Variants in APPBP2 observed in about 807,000 individuals in gnomAD.
APPBP2 encodes the protein amyloid protein-binding protein 2.
Under a neutral mutation model 76.0 loss-of-function variants are expected in APPBP2, and 15 were observed. That is an observed-to-expected ratio of 0.20 (90% CI 0.13 to 0.30). APPBP2 has a LOEUF of 0.30. Ranked by LOEUF, APPBP2 falls within the 10% of genes least tolerant of loss-of-function variation. The probability of loss-of-function intolerance (pLI) is 1.00; values close to 1 mark genes in which losing one functional copy is unlikely to be tolerated. For synonymous variants in APPBP2, 222 were observed against 242.2 expected, an observed-to-expected ratio of 0.92 and a Z score of 0.77; for missense variants, 401 against 687.2, an observed-to-expected ratio of 0.58 and a Z score of 4.66.
intron 4 of APPBP2, among the ~76,000 whole-genome samples, chr17:60,469,991 C>G (rs1011271421): frequency 2.6e-5 from 4 of 152,052 alleles, no homozygotes; most frequent in Admixed American, 1.3e-4. Flanking sequence ...ACATTCCCAG[C>G]AACAGTGCAC....
chr17:60,522,709 G>C (rs1439720229), intron 1 of APPBP2, among the ~76,000 whole-genome samples: 1 of 151,960 alleles, frequency 6.6e-6, no homozygotes, highest in Non-Finnish European at 1.5e-5. Context: ...CACGGTGAAG[G>C]AGGAAAGACC....
At chr17:60,480,234 G>A (rs1023119684) in intron 3 of APPBP2, among the ~76,000 whole-genome samples, 2 of 152,134 alleles carry the variant, frequency 1.3e-5, no homozygotes, top group African/African-American at 4.8e-5. Context: ...TAAGCCGGAT[G>A]TGGTGGCGAG....
At chr17:60,478,403 T>C (rs754242496) in intron 4 of APPBP2, among the ~76,000 whole-genome samples, 15 of 152,188 alleles carry the variant, frequency 9.9e-5, no homozygotes, top group Non-Finnish European at 1.8e-4. Flanking sequence ...AATAAATGTA[T>C]ACTCAAAGAA....
intron 2 of APPBP2, among the ~76,000 whole-genome samples, chr17:60,500,034 C>T (rs1354503605): frequency 6.3e-5 from 9 of 143,826 alleles, no homozygotes; most frequent in East Asian, 4.0e-4. Flanking sequence ...TTTTTTGAGA[C>T]GGAGTCTTGC....
chr17:60,468,641 T>C (rs1366120169), intron 4 of APPBP2: 1 of 148,580 alleles, frequency 6.7e-6, no homozygotes, highest in Non-Finnish European at 1.5e-5. Context: ...AAATTAAACA[T>C]ATGGAGACTC....
At chr17:60,507,855 A>G (rs1229188500) in intron 1 of APPBP2, among the ~76,000 whole-genome samples, 1 of 152,092 alleles carries the variant, frequency 6.6e-6, no homozygotes, top group African/African-American at 2.4e-5. Context: ...TGGCGTGATC[A>G]TAGCTCACTG....
At chr17:60,521,304 CTTTATT>C (rs1207090616) in intron 1 of APPBP2, among the ~76,000 whole-genome samples, 1 of 152,160 alleles carries the variant, frequency 6.6e-6, no homozygotes, top group Non-Finnish European at 1.5e-5. Flanking sequence ...AGTTGAATTA[CTTTATT>C]TTTAACATTA....
intron 4 of APPBP2, among the ~76,000 whole-genome samples, chr17:60,469,194 T>A (rs574301534): frequency 3.5e-4 from 53 of 151,944 alleles, no homozygotes; most frequent in African/African-American, 1.2e-3. Flanking sequence ...GGCATGGTGG[T>A]GCGTGCCTGT....
chr17:60,473,025 A>C (rs530097806), intron 4 of APPBP2, among the ~76,000 whole-genome samples: 15 of 152,170 alleles, frequency 9.9e-5, no homozygotes, highest in Admixed American at 4.6e-4. Context: ...CACTAGTTTT[A>C]ATTTTTTAAC....
At chr17:60,523,879 T>G (rs1478263824) in intron 1 of APPBP2, among the ~76,000 whole-genome samples, 4 of 152,168 alleles carry the variant, frequency 2.6e-5, no homozygotes, top group Non-Finnish European at 4.4e-5. Context: ...TTTGAGACCT[T>G]AATTAAATTA....
At chr17:60,494,990 T>G (rs28482790) in intron 2 of APPBP2, among the ~76,000 whole-genome samples, 18,741 of 148,414 alleles carry the variant, frequency 0.13, 3,842 homozygotes, top group African/African-American at 0.44. Context: ...TTTTGTTTTT[T>G]TTTTTTTTTT....
rs2090470561 is a variant in APPBP2, at chr17:60,460,773, A to G, written c.951T>C (p.Ile317=). Residue 317 remains isoleucine (I), a synonymous_variant, in exon 9 of 13, where the codon ATT becomes ATC. Transcript: ENST00000083182. Reference sequence around the variant, plus strand: ...TTTTGCCACCAAACACTGACTGTCTAATGTCAAGGGCTGCCTGAAAGAATC... The same window carrying G: ...TTTTGCCACCAAACACTGACTGTCTGATGTCAAGGGCTGCCTGAAAGAATC... ...SVAIYQAALD[I]RQSVFGGKNI... is the part of the protein sequence containing the mutation. 3.1e-6 allele frequency: 5 copies of G among 1,613,480 alleles called. No individual in the cohort carries two copies. The highest frequency in any genetic ancestry group is 4.2e-6 in the Non-Finnish European group (5 of 1,179,660).
chr17:60,525,391 G>A (rs890176509), intron 1 of APPBP2, among the ~76,000 whole-genome samples: 1 of 152,212 alleles, frequency 6.6e-6, no homozygotes, highest in Admixed American at 6.5e-5. Context: ...AATGGGTGGG[G>A]GGAGGAGCAC....
At chr17:60,500,105 A>G (rs977227069) in intron 2 of APPBP2, among the ~76,000 whole-genome samples, 12 of 148,120 alleles carry the variant, frequency 8.1e-5, no homozygotes, top group Admixed American at 4.1e-4. Flanking sequence ...TCCGCCTCCC[A>G]GGTTCACGCC....
intron 4 of APPBP2, among the ~76,000 whole-genome samples, chr17:60,469,011 G>A (rs2090531382): frequency 6.6e-6 from 1 of 152,152 alleles, no homozygotes; most frequent in South Asian, 2.1e-4. Context: ...TACACTGAAA[G>A]TGAACCTAAA....
chr17:60,512,628 A>G (rs975876428), intron 1 of APPBP2, among the ~76,000 whole-genome samples: 2 of 151,430 alleles, frequency 1.3e-5, no homozygotes, highest in Non-Finnish European at 2.9e-5. Context: ...CGAGGTCAGA[A>G]GTTCAAGACC....
chr17:60,521,348 T>TTA (rs1170960621), intron 1 of APPBP2, among the ~76,000 whole-genome samples: 1 of 152,234 alleles, frequency 6.6e-6, no homozygotes, highest in Non-Finnish European at 1.5e-5. Flanking sequence ...TATACACTGT[T>TTA]TATAACATCT....
At chr17:60,452,876 G>A (rs993054515) in intron 11 of APPBP2, among the ~76,000 whole-genome samples, 3 of 152,188 alleles carry the variant, frequency 2.0e-5, no homozygotes, top group Non-Finnish European at 4.4e-5. Flanking sequence ...TGAGGCTGTA[G>A]TGAGCCATGA....
intron 4 of APPBP2, among the ~76,000 whole-genome samples, chr17:60,475,926 C>T (rs2090587694): frequency 6.6e-6 from 1 of 152,086 alleles, no homozygotes; most frequent in African/African-American, 2.4e-5. Flanking sequence ...CTCACATGGA[C>T]TGATTAGCTC....
Sources: allele counts gnomAD v4.1 joint callset (sites outside exome capture counted in the v4.1 genomes callset), GRCh38; gene constraint gnomAD v4.1.1; transcripts MANE v1.5; gene names NCBI Gene and HGNC (gene_info 2026-07-23, HGNC 2026-07-21).